PLXNA4: variants seen among roughly 807,000 people sequenced by gnomAD.
PLXNA4 encodes the protein plexin-A4.
In PLXNA4, 44 loss-of-function variants were observed where a neutral mutation model predicts 191.8. The ratio of observed to expected loss-of-function variants is 0.23; its 90% CI spans 0.18 to 0.29. PLXNA4 has a LOEUF of 0.29. PLXNA4 is among the 10% of genes least tolerant of loss of function. PLXNA4 has a pLI of 1.00. For missense variants in PLXNA4, 1,800 were observed against 2,488.8 expected, an observed-to-expected ratio of 0.72 and a Z score of 5.89; for synonymous variants, 1,082 against 1,009.5, an observed-to-expected ratio of 1.07 and a Z score of -1.36.
intron 2 of PLXNA4, among the ~76,000 whole-genome samples, chr7:132,597,164 C>G (rs900241004): frequency 6.6e-6 from 1 of 152,170 alleles, no homozygotes; most frequent in Non-Finnish European, 1.5e-5. Context: ...GCAGAATTAT[C>G]ATGCCTTTCC....
intron 12 of PLXNA4, among the ~76,000 whole-genome samples, chr7:132,200,704 A>G (rs993100798): frequency 6.6e-6 from 1 of 152,210 alleles, no homozygotes; most frequent in African/African-American, 2.4e-5. Context: ...AAAGCCAAGA[A>G]TCTTCTTGCT....
intron 3 of PLXNA4, among the ~76,000 whole-genome samples, chr7:132,399,093 G>A (rs1183841318): frequency 6.6e-6 from 1 of 152,148 alleles, no homozygotes; most frequent in Non-Finnish European, 1.5e-5. Context: ...CTGCATTAAA[G>A]TACAGAGGTC....
chr7:132,425,898 G>A (rs928464212), intron 3 of PLXNA4, among the ~76,000 whole-genome samples: 1 of 152,216 alleles, frequency 6.6e-6, no homozygotes, highest in South Asian at 2.1e-4. Flanking sequence ...GCAGACAGGG[G>A]CTTCTGCAGC....
chr7:132,506,001 G>C lies in PLXNA4; in HGVS notation c.1188+1505C>G, dbSNP rs75644085. 1.2e-4 allele frequency among the ~76,000 whole-genome samples: 18 copies of C among 152,188 alleles called. 2 individuals carry two copies. The East Asian group carries it at 3.1e-3, about 26-fold the overall frequency. ...CCATTCTCCAGTCTGGCTCTGATTT[G>C]TCAACTTTTTGCTGCCCTGCTTGGT... On this transcript the variant is annotated intron_variant, in intron 2 of 31. Coordinates refer to ENST00000321063, the MANE Select transcript of PLXNA4 (RefSeq NM_020911.2).
chr7:132,643,942 C>T (rs1011469532), intron 2 of PLXNA4, among the ~76,000 whole-genome samples: 3 of 151,846 alleles, frequency 2.0e-5, no homozygotes, highest in South Asian at 4.2e-4. Context: ...AAAGGAGACC[C>T]TGTCTCTTAA....
intron 10 of PLXNA4, among the ~76,000 whole-genome samples, chr7:132,206,952 G>A (rs768414958): frequency 6.6e-6 from 1 of 152,152 alleles, no homozygotes; most frequent in South Asian, 2.1e-4. Context: ...CACACCATGC[G>A]GGGCTAATGG....
chr7:132,228,061 C>T (rs938883163), intron 6 of PLXNA4, among the ~76,000 whole-genome samples: 1 of 152,166 alleles, frequency 6.6e-6, no homozygotes, highest in African/African-American at 2.4e-5. Context: ...TTCCCAACAC[C>T]CTTTGTCATT....
intron 2 of PLXNA4, among the ~76,000 whole-genome samples, chr7:132,611,216 T>C (rs998582821): frequency 6.6e-6 from 1 of 152,254 alleles, no homozygotes; most frequent in South Asian, 2.1e-4. Flanking sequence ...AACTTAAATA[T>C]GTCGCCTCTG....
At chr7:132,592,628 G>A (rs1386044959) in intron 2 of PLXNA4, among the ~76,000 whole-genome samples, 2 of 150,708 alleles carry the variant, frequency 1.3e-5, no homozygotes, top group East Asian at 1.9e-4. Flanking sequence ...ACGAGCTGCC[G>A]ATAAAGGAAT....
At chr7:132,629,780 C>T (rs1351873779) in intron 2 of PLXNA4, among the ~76,000 whole-genome samples, 1 of 152,192 alleles carries the variant, frequency 6.6e-6, no homozygotes, top group Non-Finnish European at 1.5e-5. Flanking sequence ...TTGCAGATGG[C>T]CGCCTTCTCA....
chr7:132,297,706 C>T (rs1214133927), intron 4 of PLXNA4, among the ~76,000 whole-genome samples: 2 of 152,078 alleles, frequency 1.3e-5, no homozygotes, highest in Non-Finnish European at 1.5e-5. Flanking sequence ...ATTCTTGATC[C>T]CACAGGCTTC....
At chr7:132,255,884 C>A (rs1019661986) in intron 4 of PLXNA4, among the ~76,000 whole-genome samples, 12 of 152,250 alleles carry the variant, frequency 7.9e-5, no homozygotes, top group Non-Finnish European at 1.5e-4. Flanking sequence ...ATTGCCCCAG[C>A]ACCTGGAAAA....
chr7:132,641,460 T>C (rs940580708), intron 2 of PLXNA4, among the ~76,000 whole-genome samples: 5 of 152,160 alleles, frequency 3.3e-5, no homozygotes, highest in African/African-American at 1.2e-4. Flanking sequence ...ATGAGGGCTC[T>C]ATCCATATGA....
intron 1 of PLXNA4, among the ~76,000 whole-genome samples, chr7:132,562,918 T>TCCTCCTCTC: frequency 1.1e-5 from 1 of 93,288 alleles, no homozygotes; most frequent in Non-Finnish European, 2.1e-5. Flanking sequence ...CTCCTCTTCC[T>TCCTCCTCTC]CCTCCTCCTC....
intron 3 of PLXNA4, among the ~76,000 whole-genome samples, chr7:132,401,276 T>G (rs1793972563): frequency 6.6e-6 from 1 of 152,196 alleles, no homozygotes; most frequent in African/African-American, 2.4e-5. Context: ...TCTGTACAAT[T>G]TATTGCAATT....
At chr7:132,569,026 G>C (rs907991570) in intron 1 of PLXNA4, among the ~76,000 whole-genome samples, 1 of 152,228 alleles carries the variant, frequency 6.6e-6, no homozygotes, top group Admixed American at 6.5e-5. Flanking sequence ...GACCCACAGA[G>C]GCTCTAGCTT....
chr7:132,528,960 T>C (rs1184131156), intron 1 of PLXNA4, among the ~76,000 whole-genome samples: 1 of 152,256 alleles, frequency 6.6e-6, no homozygotes, highest in African/African-American at 2.4e-5. Context: ...GATACTTTGC[T>C]GCCATGAAGA....
chr7:132,359,083 A>G (rs1365234130), intron 3 of PLXNA4, among the ~76,000 whole-genome samples: 1 of 152,094 alleles, frequency 6.6e-6, no homozygotes, highest in Non-Finnish European at 1.5e-5. Context: ...TTCCTGTCTC[A>G]GTTTTCTCCT....
At chr7:132,464,273 G>C (rs1255158204) in intron 3 of PLXNA4, among the ~76,000 whole-genome samples, 1 of 152,176 alleles carries the variant, frequency 6.6e-6, no homozygotes, top group Non-Finnish European at 1.5e-5. Flanking sequence ...ATTCAGGAGG[G>C]AGCTGCAGAG....
Sources: gnomAD v4.1 joint callset for allele counts (sites outside exome capture counted in the v4.1 genomes callset) on GRCh38, gnomAD v4.1.1 for gene constraint, MANE v1.5 for transcripts, NCBI Gene and HGNC (gene_info 2026-07-23, HGNC 2026-07-21) for gene names.